The following BRI3 variants were observed in gnomAD, a reference collection of about 807,000 sequenced individuals.
BRI3 encodes brain protein I3.
In BRI3, 6 loss-of-function variants were observed where a neutral mutation model predicts 12.8. The ratio of observed to expected loss-of-function variants is 0.47; its 90% CI spans 0.26 to 0.93. BRI3 has a LOEUF of 0.93. BRI3 is among the 40% of genes least tolerant of loss of function. The pLI is 0.15. For missense variants in BRI3, 134 were observed against 171.1 expected (o/e 0.78, Z 1.21); for synonymous variants, 91 against 76.1 (o/e 1.20, Z -1.02).
chr7:98,306,409 C>T, upstream of BRI3: 4 of 1,612,942 alleles, frequency 2.5e-6, no homozygotes, highest in Non-Finnish European at 3.4e-6. Context: ...GTTTCTGTCA[C>T]CGGGAGAGCT....
At chr7:98,297,143 G>T (rs564020977), downstream of BRI3, among the ~76,000 whole-genome samples, 1 of 152,350 alleles carries the variant, frequency 6.6e-6, no homozygotes, top group South Asian at 2.1e-4. Context: ...ATAGAGCGAG[G>T]CCACCAAGCG....
At chr7:98,283,419 G>T (rs989407604) in intron 2 of BRI3, among the ~76,000 whole-genome samples, 1 of 152,138 alleles carries the variant, frequency 6.6e-6, no homozygotes, top group Non-Finnish European at 1.5e-5. Flanking sequence ...GGGACCTCGG[G>T]GGCAGGTTGT....
the BRI3 span, among the ~76,000 whole-genome samples, chr7:98,319,245 C>T: frequency 9.2e-5 from 14 of 152,142 alleles, no homozygotes; most frequent in African/African-American, 3.4e-4. Flanking sequence ...CAAGAGCCCT[C>T]AATACCGGGT....
downstream of BRI3, among the ~76,000 whole-genome samples, chr7:98,294,993 G>C (rs941991946): frequency 6.6e-6 from 1 of 152,342 alleles, no homozygotes; most frequent in Admixed American, 6.5e-5. Context: ...GAGTCAGGCA[G>C]CCGCCCAGGA....
downstream of BRI3, chr7:98,312,302 A>AT (rs764578590): frequency 1.5e-5 from 23 of 1,566,056 alleles, no homozygotes; most frequent in East Asian, 1.1e-4. Flanking sequence ...GACAAAGAAG[A>AT]TTGTCTGAAG....
chr7:98,288,642 A>G (rs911957533), intron 2 of BRI3, among the ~76,000 whole-genome samples: 3 of 151,972 alleles, frequency 2.0e-5, no homozygotes, highest in East Asian at 1.9e-4. Flanking sequence ...AACACTGGGT[A>G]TAAGAGTGCT....
chr7:98,314,185 G>A (rs1397795181), downstream of BRI3, among the ~76,000 whole-genome samples: 2 of 151,836 alleles, frequency 1.3e-5, no homozygotes, highest in East Asian at 3.9e-4. Context: ...GTTTCACCAT[G>A]TTGGCCAGGC....
At chr7:98,296,563 G>A (rs1488496897), downstream of BRI3, among the ~76,000 whole-genome samples, 1 of 152,240 alleles carries the variant, frequency 6.6e-6, no homozygotes, top group Non-Finnish European at 1.5e-5. Context: ...GGCAGAGGTT[G>A]TGGTGAGCTG....
chr7:98,284,957 T>C (rs1033712969), intron 2 of BRI3, among the ~76,000 whole-genome samples: 3 of 152,108 alleles, frequency 2.0e-5, no homozygotes, highest in African/African-American at 4.8e-5. Context: ...GGGGGTGTGG[T>C]TGTACCTAGG....
the BRI3 span, among the ~76,000 whole-genome samples, chr7:98,318,399 G>A: frequency 6.6e-6 from 1 of 151,766 alleles, no homozygotes; most frequent in African/African-American, 2.4e-5. Flanking sequence ...AGTGATTCTT[G>A]TGCCTCAGCC....
At chr7:98,310,321 A>G (rs1042380043) in exon 2 of BRI3, 14 of 1,081,770 alleles carry the variant, frequency 1.3e-5, no homozygotes, top group Non-Finnish European at 1.8e-5. Flanking sequence ...GGCTGAATGT[A>G]TCTACCATAC....
At chr7:98,290,188 T>G (rs867776571) in intron 2 of BRI3, among the ~76,000 whole-genome samples, 42,026 of 129,762 alleles carry the variant, frequency 0.32, 6,220 homozygotes, top group Middle Eastern at 0.44. Flanking sequence ...GTTGTTTTTT[T>G]TTTTTTTTTT....
chr7:98,315,152 C>T (rs114667324), downstream of BRI3, among the ~76,000 whole-genome samples: 956 of 152,250 alleles, frequency 6.3e-3, 7 homozygotes, highest in African/African-American at 0.02. Context: ...GACAGGGTCC[C>T]GCTCTGTTGC....
the BRI3 span, chr7:98,315,621 A>ATAAT: frequency 8.1e-7 from 1 of 1,235,866 alleles, no homozygotes; most frequent in Non-Finnish European, 1.1e-6. Flanking sequence ...TACTAAAAAA[A>ATAAT]AAAAAATAAT....
downstream of BRI3, among the ~76,000 whole-genome samples, chr7:98,315,288 G>GTT (rs1020662454): frequency 5.7e-4 from 85 of 149,726 alleles, 2 homozygotes; most frequent in South Asian, 0.018. Context: ...TGCCTGGCTA[G>GTT]TTTTTTTTTT....
At chr7:98,307,632 G>A in exon 2 of BRI3, 1 of 1,600,560 alleles carries the variant, frequency 6.2e-7, no homozygotes. Context: ...CAGCTTGGCT[G>A]CTCTGGAAGG....
At chr7:98,321,630 C>T in the BRI3 span, among the ~76,000 whole-genome samples, 6 of 152,174 alleles carry the variant, frequency 3.9e-5, no homozygotes, top group Non-Finnish European at 8.8e-5. Context: ...TGAACAAGGG[C>T]CTCTCTCTGC....
At chr7:98,285,883 C>G (rs1163723652) in intron 2 of BRI3, among the ~76,000 whole-genome samples, 1 of 152,172 alleles carries the variant, frequency 6.6e-6, no homozygotes, top group African/African-American at 2.4e-5. Flanking sequence ...AGCATGGCTT[C>G]AGGCCCTCAG....
the BRI3 span, chr7:98,317,322 T>A: frequency 6.2e-7 from 1 of 1,614,236 alleles, no homozygotes; most frequent in Non-Finnish European, 8.5e-7. Flanking sequence ...CTCTAATTTA[T>A]TCTTGTGTTC....
Sources: gnomAD v4.1 joint callset for allele counts (sites outside exome capture counted in the v4.1 genomes callset) on GRCh38, gnomAD v4.1.1 for gene constraint, MANE v1.5 for transcripts, NCBI Gene and HGNC (gene_info 2026-07-23, HGNC 2026-07-21) for gene names.